Variants in PTPRD observed in about 807,000 individuals in gnomAD.
PTPRD encodes protein tyrosine phosphatase receptor type D.
PTPRD carries 34 observed loss-of-function variants against 214.5 expected under a neutral mutation model. That is an observed-to-expected ratio of 0.16 (90% CI 0.12 to 0.21). PTPRD has a LOEUF of 0.21. Among genes scored for constraint, PTPRD ranks in the 10% least tolerant of loss-of-function variants. PTPRD has a pLI of 1.00. For missense variants in PTPRD, 2,545 were observed against 2,398.7 expected (o/e 1.06, Z -1.27); for synonymous variants, 1,128 against 845.7 (o/e 1.33, Z -5.79).
intron 3 of PTPRD, among the ~76,000 whole-genome samples, chr9:10,217,948 T>G (rs2099549213): frequency 6.6e-6 from 1 of 151,928 alleles, no homozygotes; most frequent in Non-Finnish European, 1.5e-5. Context: ...GAAGCTTATG[T>G]TTAAAGGCCT....
chr9:9,368,496 C>T lies in PTPRD; in HGVS notation c.-203+28953G>A, dbSNP rs78778602. Among the ~76,000 whole-genome samples the T allele has an allele frequency of 7.9e-3, 1,207 of 151,866 alleles. 56 individuals carry two copies. Among genetic ancestry groups the T allele is most frequent in the East Asian group, 0.062 (320 of 5,136 alleles). ...CCATTTACTGTAGCAGTGATTCTTA[C>T]AATGAGTGTTGGGGACTGATGTCCC... On this transcript the variant is annotated intron_variant, in intron 9 of 45. Transcript: ENST00000381196.
At chr9:10,399,014 T>C (rs2098224742) in intron 2 of PTPRD, among the ~76,000 whole-genome samples, 2 of 152,110 alleles carry the variant, frequency 1.3e-5, no homozygotes, top group South Asian at 4.1e-4. Context: ...CTAATAAATG[T>C]CAGACTGATT....
At chr9:9,060,682 G>C (rs555141376) in intron 10 of PTPRD, among the ~76,000 whole-genome samples, 7 of 151,940 alleles carry the variant, frequency 4.6e-5, no homozygotes, top group African/African-American at 1.7e-4. Flanking sequence ...AAAAGAGCAG[G>C]ATATTTGACT....
chr9:9,563,174 G>T (rs1371752178), intron 8 of PTPRD, among the ~76,000 whole-genome samples: 3 of 152,100 alleles, frequency 2.0e-5, no homozygotes, highest in African/African-American at 4.8e-5. Flanking sequence ...AATAAAAGGG[G>T]CAAGGGGTGG....
chr9:9,081,246 T>A (rs1462114001), intron 10 of PTPRD, among the ~76,000 whole-genome samples: 1 of 152,158 alleles, frequency 6.6e-6, no homozygotes, highest in Non-Finnish European at 1.5e-5. Flanking sequence ...CTTAATTTCA[T>A]TATTTACCCA....
chr9:10,241,747 T>G (rs1222019287), intron 3 of PTPRD, among the ~76,000 whole-genome samples: 1 of 151,940 alleles, frequency 6.6e-6, no homozygotes, highest in African/African-American at 2.4e-5. Flanking sequence ...ATGATGGATC[T>G]GTTTATTATT....
rs72710104 is a variant in PTPRD at position 9,766,632 on chromosome 9, A to G, written c.-326+178T>C. ...GCTTTCTGTACCCAGGCAATGGTATATATTTGATAGCCAGAATTCTAATTC... is the reference window on the plus strand; with the variant it reads ...GCTTTCTGTACCCAGGCAATGGTATGTATTTGATAGCCAGAATTCTAATTC... On this transcript the variant is annotated intron_variant, in intron 6 of 45. Coordinates refer to ENST00000381196, the MANE Select transcript of PTPRD (RefSeq NM_002839.4). Among the ~76,000 whole-genome samples the G allele has an allele frequency of 9.0e-4, 137 of 152,234 alleles. 1 individual carries two copies. Among genetic ancestry groups the G allele is most frequent in the Non-Finnish European group, 1.4e-3 (97 of 67,986 alleles).
chr9:10,609,937 A>C (rs774515396), intron 2 of PTPRD, among the ~76,000 whole-genome samples: 8 of 152,152 alleles, frequency 5.3e-5, no homozygotes, highest in Middle Eastern at 3.2e-3. Context: ...CTGAAAGCAA[A>C]TGCAGGTATA....
chr9:9,782,288 G>A (rs1420363408), intron 5 of PTPRD, among the ~76,000 whole-genome samples: 1 of 152,022 alleles, frequency 6.6e-6, no homozygotes, highest in African/African-American at 2.4e-5. Context: ...GTACCTCTAA[G>A]TCCTAATTTA....
At chr9:8,714,406 T>G (rs945146233) in intron 12 of PTPRD, among the ~76,000 whole-genome samples, 13 of 152,142 alleles carry the variant, frequency 8.5e-5, no homozygotes, top group Admixed American at 7.9e-4. Flanking sequence ...GGCACAAGCT[T>G]TTTTTTCTGC....
chr9:8,560,466 CACACACATAT>C (rs751375672), intron 14 of PTPRD, among the ~76,000 whole-genome samples: 17 of 139,048 alleles, frequency 1.2e-4, no homozygotes, highest in South Asian at 6.5e-4. Context: ...CACACACACA[CACACACATAT>C]ATACACTGTT....
At chr9:10,504,057 A>C (rs2044927137) in intron 2 of PTPRD, among the ~76,000 whole-genome samples, 1 of 136,422 alleles carries the variant, frequency 7.3e-6, no homozygotes, top group Non-Finnish European at 1.5e-5. Context: ...CAGAGCTTGC[A>C]GTGAGCCGAG....
intron 2 of PTPRD, among the ~76,000 whole-genome samples, chr9:10,373,105 T>A (rs185407298): frequency 5.0e-4 from 75 of 150,462 alleles, no homozygotes; most frequent in Non-Finnish European, 9.6e-4. Context: ...AGTGCTAGGA[T>A]TACAGCTTGA....
chr9:8,378,078 T>C (rs1041349468), intron 37 of PTPRD, among the ~76,000 whole-genome samples: 1 of 152,108 alleles, frequency 6.6e-6, no homozygotes, highest in African/African-American at 2.4e-5. Flanking sequence ...TGATTTCAAC[T>C]TTGAGACCAC....
chr9:10,123,026 G>C (rs1307972791), intron 3 of PTPRD, among the ~76,000 whole-genome samples: 1 of 152,226 alleles, frequency 6.6e-6, no homozygotes, highest in Non-Finnish European at 1.5e-5. Context: ...CTGTCTGCAT[G>C]TTCCCTGAAT....
chr9:9,307,764 A>G (rs917966325), intron 9 of PTPRD, among the ~76,000 whole-genome samples: 6 of 152,198 alleles, frequency 3.9e-5, no homozygotes, highest in Non-Finnish European at 8.8e-5. Flanking sequence ...TCCTTAGCTT[A>G]ACACACAGAA....
intron 39 of PTPRD, among the ~76,000 whole-genome samples, chr9:8,345,237 T>C (rs1856463017): frequency 6.6e-6 from 1 of 152,026 alleles, no homozygotes; most frequent in Admixed American, 6.6e-5. Context: ...TCAGTAAATG[T>C]TGGTTTCCTT....
intron 4 of PTPRD, among the ~76,000 whole-genome samples, chr9:10,024,323 C>T (rs960290164): frequency 1.3e-5 from 2 of 152,074 alleles, no homozygotes; most frequent in South Asian, 2.1e-4. Context: ...CAATTTTCTC[C>T]TGAAAGGAAT....
chr9:9,524,799 T>A (rs967856676), intron 8 of PTPRD, among the ~76,000 whole-genome samples: 1 of 152,234 alleles, frequency 6.6e-6, no homozygotes, highest in Non-Finnish European at 1.5e-5. Flanking sequence ...AATCTCCGAA[T>A]AATTTACTAA....
Sources: gnomAD v4.1 joint callset for allele counts (sites outside exome capture counted in the v4.1 genomes callset) on GRCh38, gnomAD v4.1.1 for gene constraint, MANE v1.5 for transcripts, NCBI Gene and HGNC (gene_info 2026-07-23, HGNC 2026-07-21) for gene names.